ALAD: variants seen among roughly 807,000 people sequenced by gnomAD.
ALAD encodes the protein delta-aminolevulinic acid dehydratase.
Under a neutral mutation model 44.4 loss-of-function variants are expected in ALAD, and 20 were observed. The observed-to-expected ratio is 0.45, with a 90% CI of 0.32 to 0.65. The LOEUF (loss-of-function observed/expected upper bound fraction) is 0.65. Ranked by LOEUF, ALAD falls within the 30% of genes least tolerant of loss-of-function variation. The pLI, the probability that ALAD is intolerant of heterozygous loss-of-function variation, is 0.05. For synonymous variants in ALAD, 156 were observed against 167.9 expected, an observed-to-expected ratio of 0.93 and a Z score of 0.55; for missense variants, 323 against 445.7, an observed-to-expected ratio of 0.72 and a Z score of 2.48.
At chr9:113,389,174 C>T (rs1169630500) in intron 10 of ALAD, 68 bp from the exon 11 acceptor site, 32 of 1,597,020 alleles carry the variant, frequency 2.0e-5, no homozygotes, top group Admixed American at 3.5e-5. Flanking sequence ...GCGTCCCTTC[C>T]CCCCTGCTCA....
At position 113,390,657 on chromosome 9, in the gene ALAD, T is replaced by A. The variant is rs771558010; in HGVS notation, c.417A>T (p.Gly139=). The A allele has an allele frequency of 1.4e-5, 23 of 1,614,082 alleles. No homozygotes were observed. The South Asian group carries it at 2.4e-4, about 17-fold the overall frequency. ...HGHCGLLSEN[G]AFRAEESRQR... is the part of the protein sequence containing the mutation. ...GGCGGCTCTCCTCAGCCCGGAATGC[T>A]CCGTTTTCACTCAGGAGCCCTTCAG... is the stretch of plus-strand genomic sequence containing the variant. Residue 139 remains glycine, a synonymous_variant, in exon 6 of 12, where the codon GGA becomes GGT. Coordinates refer to ENST00000409155, the MANE Select transcript of ALAD (RefSeq NM_000031.6).
chr9:113,393,417 CA>C (rs781773027), intron 2 of ALAD, 29 bp downstream of exon 2: 1 of 1,560,402 alleles, frequency 6.4e-7, no homozygotes, highest in Non-Finnish European at 8.8e-7. Context: ...ACCAGCAGAG[CA>C]GAGGCCTGGC....
intron 1 of ALAD, among the ~76,000 whole-genome samples, chr9:113,397,904 C>T (rs1008274203): frequency 1.3e-5 from 2 of 152,152 alleles, no homozygotes; most frequent in East Asian, 3.9e-4. Context: ...GGATTACAGG[C>T]GTGAGCCACC....
rs111390615 is a variant in ALAD at position 113,388,370 on chromosome 9, G to A, written c.932-9C>T. The A allele has an allele frequency of 6.2e-6, 10 of 1,613,858 alleles. No homozygotes were observed. The highest frequency in any genetic ancestry group is 6.8e-6 in the Non-Finnish European group (8 of 1,179,974). ...GATGATGATGTCAGCACCTGTGTTGGGAGAGATGCAGAAAGTTGCTGGGGG... is the reference window on the plus strand; with the variant it reads ...GATGATGATGTCAGCACCTGTGTTGAGAGAGATGCAGAAAGTTGCTGGGGG... On this transcript the variant is annotated splice_polypyrimidine_tract_variant and intron_variant, in intron 11 of 11. Coordinates refer to ENST00000409155, the MANE Select transcript of ALAD (RefSeq NM_000031.6).
In ALAD at chr9:113,389,007, G is replaced by GT; in HGVS notation, c.900dup (p.Leu301ThrfsTer13). Reference sequence around the variant, plus strand: ...CTGCGGAAGGCAGTCATGGCCTCCAGTACGGCAGCCTTGAGATCAAATGCC... The same window carrying GT: ...CTGCGGAAGGCAGTCATGGCCTCCAGTTACGGCAGCCTTGAGATCAAATGCC... On this transcript the variant is annotated frameshift_variant, in exon 11 of 12. Coordinates refer to ENST00000409155, the MANE Select transcript of ALAD (RefSeq NM_000031.6). LOFTEE classifies it high-confidence loss of function. The GT allele has an allele frequency of 6.2e-7, 1 of 1,613,896 alleles. No individual in the cohort carries two copies. Among genetic ancestry groups the GT allele is most frequent in the Non-Finnish European group, 8.5e-7 (1 of 1,180,030 alleles).
At chr9:113,391,763 G>T (rs1827592656) in intron 3 of ALAD, 140 bp from the exon 4 acceptor site, 2 of 730,568 alleles carry the variant, frequency 2.7e-6, no homozygotes, top group Admixed American at 2.0e-5. Flanking sequence ...GACAGAAGGG[G>T]CAGGGATGCA....
At position 113,389,004 on chromosome 9, in the gene ALAD, C is replaced by G; in HGVS notation, c.904G>C (p.Glu302Gln). ...GCTCTGCGGAAGGCAGTCATGGCCT[C>G]CAGTACGGCAGCCTTGAGATCAAAT... ...GAFDLKAAVL[E>Q]AMTAFRRAGA... is the part of the protein sequence containing the mutation. The change falls in exon 11 of 12, where the codon GAG (glutamate) becomes CAG (glutamine). Residue 302 changes from glutamate to glutamine, a missense_variant. Transcript: ENST00000409155. The G allele has an allele frequency of 6.2e-7, 1 of 1,613,928 alleles. No individual in the cohort carries two copies. The highest frequency in any genetic ancestry group is 8.5e-7 in the Non-Finnish European group (1 of 1,180,040).
intron 1 of ALAD, 79 bp downstream of exon 1, chr9:113,401,133 C>G (rs1827843268): frequency 6.6e-6 from 1 of 152,528 alleles, no homozygotes; most frequent in Non-Finnish European, 1.5e-5. Context: ...GGACGCAGGA[C>G]TCTTGGTGCC....
Position 113,393,098 on chromosome 9 carries a change from G to A in ALAD, c.113+349C>T, listed in dbSNP as rs1365659555. On this transcript the variant is annotated intron_variant, in intron 2 of 11. Coordinates refer to ENST00000409155, the MANE Select transcript of ALAD (RefSeq NM_000031.6). ...CTCCCAAAGTGCTGGGATTACAGGC[G>A]TGAGCCACCGTGCCCAGCCTCAATG... The A allele has an allele frequency of 1.8e-5, 5 of 284,888 alleles. No homozygotes were observed. In the Middle Eastern group the frequency reaches 3.6e-3, roughly 206 times the overall value. The allele number at this position is 284,888 out of a possible 1,614,324, so 17.6% of individuals were successfully genotyped here.
Position 113,390,607 on chromosome 9 carries a change from G to A in ALAD, c.467C>T (p.Ala156Val), listed in dbSNP as rs773919021. The A allele has an allele frequency of 2.2e-5, 35 of 1,613,914 alleles. No individual in the cohort carries two copies. The highest frequency in any genetic ancestry group is 3.0e-5 in the Non-Finnish European group (35 of 1,180,010). The stretch of plus-strand genomic sequence containing the variant: ...GGTTCACTCACCTGCCTTGGCATAC[G>A]CCAATGCCACCTCAGCCAGCCGCTG... ...SRQRLAEVAL[A>V]YAKAGCQVVA... Residue 156 changes from alanine (A) to valine (V), a missense_variant, in exon 6 of 12, where the codon GCG becomes GTG. By Grantham distance (64) the Ala-to-Val change is moderately conservative (BLOSUM62 0). Transcript: ENST00000409155.
intron 3 of ALAD, 85 bp downstream of exon 3, chr9:113,392,034 T>C: frequency 1.5e-6 from 2 of 1,303,292 alleles, no homozygotes; most frequent in Non-Finnish European, 2.2e-6. Context: ...TTCTACTTCC[T>C]AGGTCTGCTT....
At position 113,390,439 on chromosome 9, in the gene ALAD, T is replaced by C; in HGVS notation, c.536A>G (p.Lys179Arg). 2.5e-6 allele frequency: 4 copies of C among 1,614,140 alleles called. No individual in the cohort carries two copies. The highest frequency in any genetic ancestry group is 2.5e-6 in the Non-Finnish European group (3 of 1,180,024). The change falls in exon 7 of 12, where the codon AAA becomes AGA. Residue 179 changes from lysine to arginine, a missense_variant. Transcript: ENST00000409155. ...DMMDGRVEAI[K>R]EALMAHGLGN... ...AAGTCCATGTGCCATCAGGGCCTCTTTGATGGCTTCCACGCGTCCATCCAT... is the reference window on the plus strand; with the variant it reads ...AAGTCCATGTGCCATCAGGGCCTCTCTGATGGCTTCCACGCGTCCATCCAT...
intron 1 of ALAD, among the ~76,000 whole-genome samples, chr9:113,399,415 TG>T (rs1827806403): frequency 6.6e-6 from 1 of 152,124 alleles, no homozygotes; most frequent in Admixed American, 6.5e-5. Flanking sequence ...CAAACCCTTG[TG>T]GGCCACAGGG....
chr9:113,391,289 A>G (rs1266304990), intron 4 of ALAD, among the ~76,000 whole-genome samples: 3 of 151,942 alleles, frequency 2.0e-5, no homozygotes, highest in African/African-American at 7.3e-5. Flanking sequence ...TGCAGCCTCG[A>G]CTTTCTGGGC....
rs1200193067 is a variant in ALAD, at chr9:113,393,307, G to T, written c.113+140C>A. The T allele has an allele frequency of 5.3e-6, 4 of 751,628 alleles. No homozygotes were observed. In the Admixed American group the frequency reaches 8.4e-5, roughly 16 times the overall value. The allele number at this position is 751,628 out of a possible 1,614,324, so 46.6% of individuals were successfully genotyped here. A position where few individuals can be genotyped will look rare whatever the true frequency, so the allele number is the denominator to read the frequency against. On this transcript the variant is annotated intron_variant, in intron 2 of 11. Transcript: ENST00000409155. ...TTCCTGTCCTTAATCCAAGTAGCCT[G>T]CTTCCAGTGCCTTGAATTTCAAGCT...
In ALAD at chr9:113,388,479, G is replaced by A. The variant is rs534231251; in HGVS notation, c.932-118C>T. 8.6e-5 allele frequency: 80 copies of A among 929,406 alleles called. No individual in the cohort carries two copies. In the African/African-American group the frequency reaches 1.2e-3, roughly 14 times the overall value. The allele number at this position is 929,406 out of a possible 1,614,324, so 57.6% of individuals were successfully genotyped here. ...CTACCATGAAGAAGCACAGCCTGTG[G>A]GCACACCACATGAGACGGAGCCCAG... is the stretch of plus-strand genomic sequence containing the variant. On this transcript the variant is annotated intron_variant, in intron 11 of 11. Transcript: ENST00000409155.
Position 113,389,848 on chromosome 9 carries a change from G to A in ALAD, c.571-20C>T, listed in dbSNP as rs1418828774. ...CGATACCTATGGGGAGACAATGGAG[G>A]TCTTGGCTTATTCGGCCCTTGCCAG... On this transcript the variant is annotated intron_variant, in intron 7 of 11. Coordinates refer to ENST00000409155, the MANE Select transcript of ALAD (RefSeq NM_000031.6). 3 of 1,614,186 alleles carry A rather than the reference G, an allele frequency of 1.9e-6. No individual in the cohort carries two copies. In the East Asian group the frequency reaches 6.7e-5, roughly 36 times the overall value.
In ALAD at chr9:113,390,945, G is replaced by A. The variant is rs370064669; in HGVS notation, c.262-12C>T. ...GAACCCCGCTCGTCCTAGGGGCAGG[G>A]GAGGGACAAAGCAGTGTGTCTATTA... On this transcript the variant is annotated splice_polypyrimidine_tract_variant and intron_variant, in intron 4 of 11. Coordinates refer to ENST00000409155, the MANE Select transcript of ALAD (RefSeq NM_000031.6). The A allele has an allele frequency of 7.4e-6, 12 of 1,613,888 alleles. No individual in the cohort carries two copies. In the African/African-American group the frequency reaches 1.5e-4, roughly 20 times the overall value.
intron 10 of ALAD, 140 bp downstream of exon 10, chr9:113,389,298 G>T: frequency 7.6e-7 from 1 of 1,309,640 alleles, no homozygotes; most frequent in Admixed American, 2.0e-5. Context: ...GACATAGAAG[G>T]CCACGATGGT....
Sources: allele counts gnomAD v4.1 joint callset (sites outside exome capture counted in the v4.1 genomes callset), GRCh38; gene constraint gnomAD v4.1.1; transcripts MANE v1.5; gene names NCBI Gene and HGNC (gene_info 2026-07-23, HGNC 2026-07-21).